The following ANKDD1B variants were observed in gnomAD, a reference collection of about 807,000 sequenced individuals.
The protein encoded by ANKDD1B is ankyrin repeat and death domain-containing protein 1B.
Under a neutral mutation model 59.7 loss-of-function variants are expected in ANKDD1B, and 57 were observed. The ratio of observed to expected loss-of-function variants is 0.95; its 90% confidence interval spans 0.77 to 1.19. The LOEUF is 1.19. Among genes scored for constraint, ANKDD1B ranks in the 50% most tolerant of loss-of-function variants. The pLI, the probability that ANKDD1B is intolerant of heterozygous loss-of-function variation, is 0.00. For synonymous variants in ANKDD1B, 216 were observed against 239.5 expected (o/e 0.90, Z 0.91); for missense variants, 602 against 641.9 (o/e 0.94, Z 0.67).
rs1414547087 is a variant in ANKDD1B at position 75,633,207 on chromosome 5, A to C, written c.601-1691A>C. On this transcript the variant is annotated intron_variant, in intron 5 of 13. Coordinates refer to ENST00000601380, the MANE Select transcript of ANKDD1B (RefSeq NM_001276713.2). ...CTGTTTCTTTCCTTTGCCATTTCTT[A>C]GTGATTTCCTGAGAATGAAATCACT... Among the ~76,000 whole-genome samples the C allele has an allele frequency of 2.6e-5, 4 of 152,292 alleles. No individual in the cohort carries two copies. In the East Asian group the frequency reaches 5.8e-4, roughly 22 times the overall value.
intron 3 of ANKDD1B, among the ~76,000 whole-genome samples, chr5:75,624,608 A>G (rs1773942453): frequency 6.6e-6 from 1 of 152,220 alleles, no homozygotes; most frequent in South Asian, 2.1e-4. Context: ...TTTAAGTAGC[A>G]TCTATATAAA....
chr5:75,663,534 A>C, intron 11 of ANKDD1B, 45 bp downstream of exon 11: 1 of 1,465,824 alleles, frequency 6.8e-7, no homozygotes, highest in Non-Finnish European at 9.2e-7. Context: ...TCCTGGCAAC[A>C]CCCATCTTCT....
At chr5:75,613,839 A>G (rs191873144) in intron 1 of ANKDD1B, among the ~76,000 whole-genome samples, 1 of 152,174 alleles carries the variant, frequency 6.6e-6, no homozygotes, top group African/African-American at 2.4e-5. Context: ...AAAACGATCT[A>G]TTTCTGACTG....
rs192384952 is a variant in ANKDD1B, at chr5:75,631,464, C to T, written c.601-3434C>T. ...CCAGAAGGGGAAACCATCTTTTGGG[C>T]TTCTCTGAGTGCAGTGACTCTTGGA... On this transcript the variant is annotated intron_variant, in intron 5 of 13. Transcript: ENST00000601380. 2.4e-3 allele frequency among the ~76,000 whole-genome samples: 364 copies of T among 152,290 alleles called. 2 individuals are homozygous for T. The highest frequency in any genetic ancestry group is 4.5e-3 in the Non-Finnish European group (307 of 68,032).
intron 5 of ANKDD1B, among the ~76,000 whole-genome samples, chr5:75,628,147 T>G (rs1187659017): frequency 2.0e-5 from 3 of 152,192 alleles, no homozygotes; most frequent in Non-Finnish European, 4.4e-5. Context: ...ATCTACTTTT[T>G]TTCTAAGATC....
intron 8 of ANKDD1B, 102 bp downstream of exon 8, chr5:75,653,342 A>C (rs1483022306): frequency 1.3e-6 from 1 of 750,486 alleles, no homozygotes; most frequent in Admixed American, 2.1e-5. Context: ...GAGATGTTTC[A>C]CAAGGGAGGA....
chr5:75,640,237 G>A (rs1285616186), intron 7 of ANKDD1B, among the ~76,000 whole-genome samples: 1 of 152,042 alleles, frequency 6.6e-6, no homozygotes, highest in Non-Finnish European at 1.5e-5. Flanking sequence ...TAGAGATGGG[G>A]CTTTGCCACG....
rs898208416 is a variant in ANKDD1B at position 75,618,843 on chromosome 5, T to C, written c.298-1472T>C. Among the ~76,000 whole-genome samples the C allele has an allele frequency of 2.6e-5, 4 of 152,172 alleles. No individual in the cohort carries two copies. In the East Asian group the frequency reaches 5.8e-4, roughly 22 times the overall value. ...TCACTGCAACCTCCACCTCCTGGGT[T>C]CAAGCAATTCTCCTGCCTCAGCCTC... On this transcript the variant is annotated intron_variant, in intron 2 of 13. Transcript: ENST00000601380.
chr5:75,663,023 AG>A lies in ANKDD1B; in HGVS notation c.1096-369del, dbSNP rs1440323251. On this transcript the variant is annotated intron_variant, in intron 10 of 13. Transcript: ENST00000601380. ...CTGCCATCATGTCAGCATTCCACTC[AG>A]GAGGGAGAAGAAAAGAAGGAAAATG... 3.9e-5 allele frequency among the ~76,000 whole-genome samples: 6 copies of A among 152,250 alleles called. No individual in the cohort carries two copies. In the East Asian group the frequency reaches 1.2e-3, roughly 29 times the overall value.
chr5:75,642,271 G>T (rs573231037), intron 7 of ANKDD1B, among the ~76,000 whole-genome samples: 1 of 152,078 alleles, frequency 6.6e-6, no homozygotes. Context: ...GAACAGCTCC[G>T]GTCTACAGCT....
In ANKDD1B at chr5:75,670,965, C is replaced by A; in HGVS notation, c.1526-14C>A. 8.3e-7 allele frequency: 1 copy of A among 1,197,816 alleles called. No individual in the cohort carries two copies. Among genetic ancestry groups the A allele is most frequent in the Non-Finnish European group, 1.0e-6 (1 of 956,948 alleles). The allele number at this position is 1,197,816 out of a possible 1,614,324, so 74.2% of individuals were successfully genotyped here. A position where few individuals can be genotyped will look rare whatever the true frequency, so the allele number is the denominator to read the frequency against. On this transcript the variant is annotated splice_polypyrimidine_tract_variant and intron_variant, in intron 13 of 13. Transcript: ENST00000601380. ...AATTTTAGGTATTCATAAATGTTAT[C>A]TTATTTTTTCCAGAAAAGACTCGTC...
intron 7 of ANKDD1B, among the ~76,000 whole-genome samples, chr5:75,638,212 G>A (rs1021378680): frequency 2.0e-5 from 3 of 152,256 alleles, no homozygotes; most frequent in African/African-American, 7.2e-5. Flanking sequence ...TGGAATATGT[G>A]CATGCATGTG....
chr5:75,645,347 G>A (rs1197481561), intron 7 of ANKDD1B, among the ~76,000 whole-genome samples: 13 of 86,804 alleles, frequency 1.5e-4, no homozygotes, highest in Non-Finnish European at 1.8e-4. Flanking sequence ...TTGATAGACC[G>A]CTAGCAAGAC....
At chr5:75,649,639 C>A (rs1774774148) in intron 7 of ANKDD1B, among the ~76,000 whole-genome samples, 1 of 152,180 alleles carries the variant, frequency 6.6e-6, no homozygotes, top group Non-Finnish European at 1.5e-5. Flanking sequence ...GGCTTCTGAT[C>A]TTCCCAGGGA....
At chr5:75,663,705 TAGAGTTCACTAG>T (rs1473440844) in intron 11 of ANKDD1B, among the ~76,000 whole-genome samples, 9 of 152,218 alleles carry the variant, frequency 5.9e-5, no homozygotes, top group African/African-American at 1.9e-4. Flanking sequence ...TGAGAGCGCG[TAGAGTTCACTAG>T]GGCCAAGCGG....
intron 11 of ANKDD1B, among the ~76,000 whole-genome samples, chr5:75,665,652 A>C (rs1401472494): frequency 6.6e-6 from 1 of 152,192 alleles, no homozygotes; most frequent in Non-Finnish European, 1.5e-5. Context: ...ACTTCTGTAC[A>C]CAAAGTTCAG....
Position 75,668,062 on chromosome 5 carries a change from T to C in ANKDD1B, c.1393+1069T>C, listed in dbSNP as rs1465617755. Among the ~76,000 whole-genome samples, 4 of 152,326 alleles carry C rather than the reference T, an allele frequency of 2.6e-5. No individual in the cohort carries two copies. In the East Asian group the frequency reaches 7.7e-4, roughly 29 times the overall value. ...ATTAGGCTTATAGTGTTCTGTGAAG[T>C]CTTTAGGAAAATTGAGTTGCCTCCT... On this transcript the variant is annotated intron_variant, in intron 12 of 13. Transcript: ENST00000601380.
At chr5:75,666,688 C>A in intron 11 of ANKDD1B, 104 bp from the exon 12 acceptor site, 1 of 803,116 alleles carries the variant, frequency 1.2e-6, no homozygotes, top group South Asian at 1.7e-5. Context: ...AACATAGTCT[C>A]GGTTACCACC....
At chr5:75,627,829 G>A (rs551771062) in intron 5 of ANKDD1B, among the ~76,000 whole-genome samples, 7 of 152,294 alleles carry the variant, frequency 4.6e-5, no homozygotes, top group South Asian at 2.1e-4. Context: ...GCAGGTTTGC[G>A]GGGAGCCTTC....
Sources: gnomAD v4.1 joint callset for allele counts (sites outside exome capture counted in the v4.1 genomes callset) on GRCh38, gnomAD v4.1.1 for gene constraint, MANE v1.5 for transcripts, NCBI Gene and HGNC (gene_info 2026-07-23, HGNC 2026-07-21) for gene names.